Variants in CNTNAP2 observed in about 807,000 individuals in gnomAD.
CNTNAP2 encodes contactin-associated protein-like 2.
Under a neutral mutation model 155.2 loss-of-function variants are expected in CNTNAP2, and 98 were observed. The ratio of observed to expected loss-of-function variants is 0.63; its 90% CI spans 0.54 to 0.75. The LOEUF (loss-of-function observed/expected upper bound fraction) is 0.75, where lower values mean the gene tolerates loss of function less well. Among genes scored for constraint, CNTNAP2 ranks in the 30% least tolerant of loss-of-function variants. The probability of loss-of-function intolerance (pLI) is 0.00; values close to 1 mark genes in which losing one functional copy is unlikely to be tolerated. For synonymous variants in CNTNAP2, 651 were observed against 631.2 expected (o/e 1.03, Z -0.47); for missense variants, 1,727 against 1,688.1 (o/e 1.02, Z -0.40).
rs201595298 is a variant in CNTNAP2, at chr7:146,346,973, A to G, written c.97+230000A>G. ...TTTTTTTGGAGCCCCCTTCTGGGCA[A>G]GAAAGAAAGGGATCGATGAAAAATA... On this transcript the variant is annotated intron_variant, in intron 1 of 23. Transcript: ENST00000361727. Among the ~76,000 whole-genome samples the G allele has an allele frequency of 4.6e-5, 7 of 151,792 alleles. No individual in the cohort carries two copies. In the East Asian group the frequency reaches 1.4e-3, roughly 30 times the overall value.
At chr7:148,411,853 G>A (rs6464888) in intron 23 of CNTNAP2, among the ~76,000 whole-genome samples, 42,117 of 99,540 alleles carry the variant, frequency 0.42, 6,415 homozygotes, top group South Asian at 0.53. Flanking sequence ...ACTGACATAT[G>A]TGTGTGTGTG....
chr7:146,986,565 T>G (rs1224292459), intron 3 of CNTNAP2, among the ~76,000 whole-genome samples: 6 of 152,200 alleles, frequency 3.9e-5, no homozygotes, highest in African/African-American at 1.4e-4. Flanking sequence ...TTTTAATTAT[T>G]CAAGGAATCT....
At chr7:147,100,011 G>T (rs1353669095) in intron 4 of CNTNAP2, among the ~76,000 whole-genome samples, 2 of 152,094 alleles carry the variant, frequency 1.3e-5, no homozygotes, top group African/African-American at 4.8e-5. Flanking sequence ...CTGCATTATT[G>T]GATATATGAG....
intron 10 of CNTNAP2, among the ~76,000 whole-genome samples, chr7:147,425,235 C>G (rs1392004310): frequency 7.7e-5 from 11 of 142,862 alleles, no homozygotes; most frequent in Non-Finnish European, 1.2e-4. Flanking sequence ...AATTGTTATT[C>G]TCCTTCTTGT....
At chr7:147,091,176 A>G (rs1800395394) in intron 4 of CNTNAP2, among the ~76,000 whole-genome samples, 1 of 152,010 alleles carries the variant, frequency 6.6e-6, no homozygotes. Flanking sequence ...CTTTCCTTAA[A>G]CAGACCCAGA....
chr7:146,246,386 A>G (rs1206385884), intron 1 of CNTNAP2, among the ~76,000 whole-genome samples: 3 of 150,852 alleles, frequency 2.0e-5, no homozygotes, highest in Non-Finnish European at 4.4e-5. Context: ...GGTGGGGATA[A>G]CTAAAAGGAG....
Position 147,546,723 on chromosome 7 carries a change from G to C in CNTNAP2, c.1778-15415G>C, listed in dbSNP as rs547977943. On this transcript the variant is annotated intron_variant, in intron 11 of 23. Coordinates refer to ENST00000361727, the MANE Select transcript of CNTNAP2 (RefSeq NM_014141.6). ...AACAGTGCATTGTCAAGTTGACTGT[G>C]GTCAGTTGAGTCAGGTTTTCAGTCC... 2.0e-5 allele frequency among the ~76,000 whole-genome samples: 3 copies of C among 152,272 alleles called. No individual in the cohort carries two copies. In the East Asian group the frequency reaches 5.8e-4, roughly 29 times the overall value.
intron 15 of CNTNAP2, among the ~76,000 whole-genome samples, chr7:148,078,464 T>C (rs1803537841): frequency 6.6e-6 from 1 of 152,132 alleles, no homozygotes; most frequent in African/African-American, 2.4e-5. Flanking sequence ...TTTAACATTT[T>C]TTTTACACCT....
At chr7:146,180,547 T>G (rs1447680921) in intron 1 of CNTNAP2, among the ~76,000 whole-genome samples, 1 of 152,164 alleles carries the variant, frequency 6.6e-6, no homozygotes, top group Non-Finnish European at 1.5e-5. Flanking sequence ...TATCTCTTTT[T>G]TTAACCTAGT....
chr7:146,854,525 C>T (rs996430843), intron 3 of CNTNAP2, among the ~76,000 whole-genome samples: 3 of 151,820 alleles, frequency 2.0e-5, no homozygotes, highest in African/African-American at 7.3e-5. Flanking sequence ...TGGGAGAAAA[C>T]CAGTGGGCCA....
chr7:146,911,841 A>G (rs1176321899), intron 3 of CNTNAP2, among the ~76,000 whole-genome samples: 1 of 152,162 alleles, frequency 6.6e-6, no homozygotes, highest in Non-Finnish European at 1.5e-5. Flanking sequence ...TTGGTTTACA[A>G]TCTTCAAGAA....
intron 3 of CNTNAP2, among the ~76,000 whole-genome samples, chr7:146,976,397 G>A (rs1797912053): frequency 6.6e-6 from 1 of 152,142 alleles, no homozygotes; most frequent in Non-Finnish European, 1.5e-5. Flanking sequence ...TCCCATGCCA[G>A]TTGCAAGCCC....
chr7:148,311,784 T>C (rs1797599893), intron 21 of CNTNAP2, among the ~76,000 whole-genome samples: 2 of 152,114 alleles, frequency 1.3e-5, no homozygotes, highest in African/African-American at 2.4e-5. Flanking sequence ...TTAGGCCTGG[T>C]GGAACTGCCA....
rs193002911 is a variant in CNTNAP2, at chr7:147,499,493, C to T, written c.1777+13452C>T. 9.4e-4 allele frequency among the ~76,000 whole-genome samples: 143 copies of T among 152,196 alleles called. No homozygotes were observed. In the Middle Eastern group the frequency reaches 0.01, roughly 11 times the overall value. Reference sequence around the variant, plus strand: ...GCAGTGAGCCAAGATAGTGCCACCGCACTCCAGCCTGGGCAACAGTGCAAA... The same window carrying T: ...GCAGTGAGCCAAGATAGTGCCACCGTACTCCAGCCTGGGCAACAGTGCAAA... On this transcript the variant is annotated intron_variant, in intron 11 of 23. Transcript: ENST00000361727.
rs144354051 is a variant in CNTNAP2, at chr7:147,627,933, G to GAAA, written c.1898-11165_1898-11163dup. On this transcript the variant is annotated intron_variant, in intron 12 of 23. Coordinates refer to ENST00000361727, the MANE Select transcript of CNTNAP2 (RefSeq NM_014141.6). ...AATTAAGCCAATCAGACAAAGACAAGAAAAAAAAAAGAATAAAAAAGTGAA... is the reference window on the plus strand; with the variant it reads ...AATTAAGCCAATCAGACAAAGACAAGAAAAAAAAAAAAAGAATAAAAAAGTGAA... 3.2e-3 allele frequency among the ~76,000 whole-genome samples: 469 copies of GAAA among 145,664 alleles called. 1 individual carries two copies. Among genetic ancestry groups the GAAA allele is most frequent in the African/African-American group, 0.011 (419 of 39,868 alleles).
chr7:147,543,090 C>A (rs940685890), intron 11 of CNTNAP2, among the ~76,000 whole-genome samples: 3 of 152,148 alleles, frequency 2.0e-5, no homozygotes, highest in African/African-American at 4.8e-5. Flanking sequence ...GAGCTGAGAG[C>A]CCCGAACAGG....
chr7:146,135,741 A>G (rs999169289), intron 1 of CNTNAP2, among the ~76,000 whole-genome samples: 2 of 152,126 alleles, frequency 1.3e-5, no homozygotes, highest in Non-Finnish European at 2.9e-5. Flanking sequence ...GTTTCTAGAC[A>G]TATGCTGAAT....
intron 11 of CNTNAP2, among the ~76,000 whole-genome samples, chr7:147,503,469 C>G (rs1584776048): frequency 6.6e-6 from 1 of 152,070 alleles, no homozygotes; most frequent in Non-Finnish European, 1.5e-5. Context: ...CTCTACACCC[C>G]GCTTTGCCAC....
intron 3 of CNTNAP2, among the ~76,000 whole-genome samples, chr7:147,001,516 T>C (rs542478027): frequency 6.6e-6 from 1 of 152,196 alleles, no homozygotes; most frequent in East Asian, 1.9e-4. Flanking sequence ...AATTGTGGCT[T>C]ACCTATAAAG....
Sources: allele counts gnomAD v4.1 joint callset (sites outside exome capture counted in the v4.1 genomes callset), GRCh38; gene constraint gnomAD v4.1.1; transcripts MANE v1.5; gene names NCBI Gene and HGNC (gene_info 2026-07-23, HGNC 2026-07-21).